The following DRAXIN variants were observed in gnomAD, a reference collection of about 807,000 sequenced individuals.
DRAXIN encodes dorsal repulsive axon guidance protein.
A neutral mutation model predicts 33.9 loss-of-function variants in DRAXIN; 27 were observed. The observed-to-expected ratio is 0.80, with a 90% CI of 0.59 to 1.10. The LOEUF is 1.10. Ranked by LOEUF, DRAXIN falls within the 50% of genes least tolerant of loss-of-function variation. DRAXIN has a pLI of 0.00. For synonymous variants in DRAXIN, 178 were observed against 194.0 expected (o/e 0.92, Z 0.69); for missense variants, 371 against 460.8 (o/e 0.81, Z 1.78).
At position 11,692,082 on chromosome 1, in the gene DRAXIN, G is replaced by C. The variant is rs1429332594; in HGVS notation, c.-11+229G>C. Among the ~76,000 whole-genome samples the C allele has an allele frequency of 1.3e-5, 2 of 151,966 alleles. No individual in the cohort carries two copies. The highest frequency in any genetic ancestry group is 4.8e-5 in the African/African-American group (2 of 41,400). ...GCCCACGGACCCTGGCTCTGCTCCCGGGCTCCCCATCCGTCCACCTACCGC... is the reference window on the plus strand; with the variant it reads ...GCCCACGGACCCTGGCTCTGCTCCCCGGCTCCCCATCCGTCCACCTACCGC... On this transcript the variant is annotated intron_variant, in intron 1 of 6. Coordinates refer to ENST00000294485, the MANE Select transcript of DRAXIN (RefSeq NM_198545.4). This position sits in a 1 kb window ranked among gnomAD's most constrained non-coding sequence, Gnocchi z 5.8.
At chr1:11,714,693 A>G (rs1424399607) in intron 5 of DRAXIN, among the ~76,000 whole-genome samples, 1 of 152,224 alleles carries the variant, frequency 6.6e-6, no homozygotes, top group African/African-American at 2.4e-5. Context: ...GGCCGACTGG[A>G]CAGTCGCTCT....
At position 11,696,909 on chromosome 1, in the gene DRAXIN, GCCT is replaced by G. The variant is rs1641201353; in HGVS notation, c.-11+5057_-11+5059del. Among the ~76,000 whole-genome samples the G allele has an allele frequency of 2.0e-5, 3 of 151,928 alleles. No individual in the cohort carries two copies. Among genetic ancestry groups the G allele is most frequent in the Non-Finnish European group, 4.4e-5 (3 of 67,978 alleles). ...AAAATAGCCAGGCATGGTGGTGCAT[GCCT>G]GTAATCCCAGCTGCTTGGGAGGCTA... On this transcript the variant is annotated intron_variant, in intron 1 of 6. Coordinates refer to ENST00000294485, the MANE Select transcript of DRAXIN (RefSeq NM_198545.4). The surrounding 1 kb of genome is among the most constrained non-coding windows in gnomAD (Gnocchi z 4.7).
rs755144042 is a variant in DRAXIN at position 11,706,383 on chromosome 1, T to C, written c.125T>C (p.Ile42Thr). The C allele has an allele frequency of 1.2e-6, 2 of 1,613,684 alleles. No individual in the cohort carries two copies. Among genetic ancestry groups the C allele is most frequent in the Admixed American group, 3.3e-5 (2 of 60,020 alleles). ...GCCCGGAACCTCCCTGAGAATCACA[T>C]TGACCTCCCAGGCCCAGCGCTGTGG... ...TPARNLPENH[I>T]DLPGPALWTP... Residue 42 changes from isoleucine to threonine, a missense_variant, in exon 2 of 7, where the codon ATT becomes ACT. Physicochemically the swap from Ile to Thr is moderately conservative, Grantham distance 89. Transcript: ENST00000294485. This position sits in a 1 kb window ranked among gnomAD's most constrained non-coding sequence, Gnocchi z 5.5.
In DRAXIN at chr1:11,695,601, C is replaced by CA. The variant is rs35198989; in HGVS notation, c.-11+3759dup. On this transcript the variant is annotated intron_variant, in intron 1 of 6. Transcript: ENST00000294485. ...TGGGCAACAGAGTGAGATTCTGTCT[C>CA]AAAAAAAAAAATATATATATATATA... Among the ~76,000 whole-genome samples the CA allele has an allele frequency of 2.2e-3, 315 of 143,404 alleles. 1 individual carries two copies. The highest frequency in any genetic ancestry group is 5.8e-3 in the African/African-American group (222 of 38,214). 94.1% of individuals were successfully genotyped at this position (143,404 alleles called of 152,430 possible). A position where few individuals can be genotyped will look rare whatever the true frequency, so the allele number is the denominator to read the frequency against.
upstream of DRAXIN, among the ~76,000 whole-genome samples, chr1:11,686,807 TAAAAAAA>T (rs560855200): frequency 9.6e-6 from 1 of 104,500 alleles, no homozygotes; most frequent in Non-Finnish European, 1.9e-5. Context: ...ACTGCCACTT[TAAAAAAA>T]AAAAAAAAAA....
chr1:11,700,825 C>T (rs1264761479), intron 1 of DRAXIN, among the ~76,000 whole-genome samples: 1 of 152,204 alleles, frequency 6.6e-6, no homozygotes, highest in Non-Finnish European at 1.5e-5. Flanking sequence ...GACTTGCTCC[C>T]CCCAACCCAC....
At position 11,712,352 on chromosome 1, in the gene DRAXIN, G is replaced by T. The variant is rs1247841076; in HGVS notation, c.770G>T (p.Gly257Val). Residue 257 changes from glycine (G) to valine (V), a missense_variant, in exon 5 of 7, where the codon GGT becomes GTT. Coordinates refer to ENST00000294485, the MANE Select transcript of DRAXIN (RefSeq NM_198545.4). Reference sequence around the variant, plus strand: ...TTCTTATCCCCAGAGAAACACCGCGGTAAACTCTCCAGTGATGGTAACGAA... The same window carrying T: ...TTCTTATCCCCAGAGAAACACCGCGTTAAACTCTCCAGTGATGGTAACGAA... The part of the protein sequence containing the change: ...PSAKKKEKHR[G>V]KLSSDGNETS... The T allele has an allele frequency of 1.2e-6, 2 of 1,613,924 alleles. No individual in the cohort carries two copies. Among genetic ancestry groups the T allele is most frequent in the Non-Finnish European group, 1.7e-6 (2 of 1,180,002 alleles).
chr1:11,710,794 G>T (rs1641477855), intron 3 of DRAXIN, among the ~76,000 whole-genome samples: 2 of 150,284 alleles, frequency 1.3e-5, no homozygotes, highest in African/African-American at 2.5e-5. Flanking sequence ...ATAGTGGCAG[G>T]CACATGTAGT....
rs201835494 is a variant in DRAXIN at position 11,712,903 on chromosome 1, C to CAA, written c.847+485_847+486dup. Among the ~76,000 whole-genome samples the CAA allele has an allele frequency of 8.9e-5, 11 of 123,780 alleles. 2 individuals are homozygous for CAA. The highest frequency in any genetic ancestry group is 2.6e-4 in the South Asian group (1 of 3,890). 81.2% of individuals were successfully genotyped at this position (123,780 alleles called of 152,430 possible). On this transcript the variant is annotated intron_variant, in intron 5 of 6. Transcript: ENST00000294485. The stretch of plus-strand genomic sequence containing the variant: ...GGGCGACAAGAGGGAAACTCCATCT[C>CAA]AAAAAAAAAAAATACCCTGGGCATG...
intron 1 of DRAXIN, among the ~76,000 whole-genome samples, chr1:11,700,194 C>A (rs1641251196): frequency 6.6e-6 from 1 of 152,146 alleles, no homozygotes; most frequent in Non-Finnish European, 1.5e-5. Context: ...TGTGCCACTG[C>A]ACTCCAGCCT....
At chr1:11,714,315 T>C (rs746209156) in intron 5 of DRAXIN, among the ~76,000 whole-genome samples, 6 of 152,224 alleles carry the variant, frequency 3.9e-5, no homozygotes, top group Non-Finnish European at 7.3e-5. Flanking sequence ...TCAGACATCA[T>C]GCACCGGATG....
upstream of DRAXIN, among the ~76,000 whole-genome samples, chr1:11,687,173 C>T (rs1340754109): frequency 6.6e-6 from 1 of 152,170 alleles, no homozygotes; most frequent in Non-Finnish European, 1.5e-5. The surrounding 1 kb of genome is among the most constrained non-coding windows in gnomAD (Gnocchi z 4.1). Context: ...TCAAGCGATC[C>T]TCCCACCTCA....
chr1:11,708,368 T>C (rs776292426), intron 2 of DRAXIN, among the ~76,000 whole-genome samples: 21 of 152,142 alleles, frequency 1.4e-4, no homozygotes, highest in Non-Finnish European at 2.5e-4. Flanking sequence ...TCCCAGCACT[T>C]TGGGAGGCTG....
At position 11,724,701 on chromosome 1, in the gene DRAXIN, C is replaced by A. The variant is rs991642171; in HGVS notation, c.*5005C>A. On this transcript the variant is annotated 3_prime_UTR_variant, in exon 7 of 7. Transcript: ENST00000294485. ...GCTGGAGAGACAGCATACCTGAAAC[C>A]TGCAAGGAACCGGTTTATAAAACAA... 3.3e-5 allele frequency: 5 copies of A among 152,328 alleles called. No individual in the cohort carries two copies. The highest frequency in any genetic ancestry group is 1.2e-4 in the African/African-American group (5 of 41,468). 9.4% of individuals were successfully genotyped at this position (152,328 alleles called of 1,614,324 possible). A position where few individuals can be genotyped will look rare whatever the true frequency, so the allele number is the denominator to read the frequency against.
chr1:11,688,837 T>A (rs1306121487), upstream of DRAXIN, among the ~76,000 whole-genome samples: 2 of 152,184 alleles, frequency 1.3e-5, no homozygotes, highest in African/African-American at 2.4e-5. This position sits in a 1 kb window ranked among gnomAD's most constrained non-coding sequence, Gnocchi z 4.6. Context: ...CATAAAGACC[T>A]TGCTGATAAA....
Position 11,725,086 on chromosome 1 carries a change from A to G in DRAXIN, c.*5390A>G, listed in dbSNP as rs561090596. 6.6e-6 allele frequency: 1 copy of G among 152,214 alleles called. No individual in the cohort carries two copies. The highest frequency in any genetic ancestry group is 2.4e-5 in the African/African-American group (1 of 41,426). The allele number at this position is 152,214 out of a possible 1,614,324, so 9.4% of individuals were successfully genotyped here. A position where few individuals can be genotyped will look rare whatever the true frequency, so the allele number is the denominator to read the frequency against. ...AAGATTACGGTCCCGGGCCAGTAAC[A>G]GCACCTGGGAGCTTGGTAGAAATGC... On this transcript the variant is annotated 3_prime_UTR_variant, in exon 7 of 7. Coordinates refer to ENST00000294485, the MANE Select transcript of DRAXIN (RefSeq NM_198545.4).
chr1:11,690,062 T>C (rs775220495), upstream of DRAXIN, among the ~76,000 whole-genome samples: 1 of 152,126 alleles, frequency 6.6e-6, no homozygotes, highest in Non-Finnish European at 1.5e-5. The surrounding 1 kb of genome is among the most constrained non-coding windows in gnomAD (Gnocchi z 4.2). Flanking sequence ...AATAACTTTA[T>C]GTAAAACAAC....
chr1:11,718,527 A>C (rs1377399722), intron 6 of DRAXIN, among the ~76,000 whole-genome samples: 1 of 152,208 alleles, frequency 6.6e-6, no homozygotes, highest in Non-Finnish European at 1.5e-5. Flanking sequence ...ACAGTGGTGC[A>C]ACCAAGGCGC....
chr1:11,698,680 C>A (rs1315626189), intron 1 of DRAXIN, among the ~76,000 whole-genome samples: 3 of 152,168 alleles, frequency 2.0e-5, no homozygotes, highest in Non-Finnish European at 2.9e-5. Flanking sequence ...TAGGGAGAGA[C>A]CTCATCTCAA....
Sources: gnomAD v4.1 joint callset for allele counts (sites outside exome capture counted in the v4.1 genomes callset) on GRCh38, gnomAD v4.1.1 for gene constraint, Gnocchi (gnomAD v3.1) non-coding constraint, MANE v1.5 for transcripts, NCBI Gene and HGNC (gene_info 2026-07-23, HGNC 2026-07-21) for gene names.